Variants in CNTN5 observed in about 807,000 individuals in gnomAD.
CNTN5 encodes the protein contactin-5.
In CNTN5, 77 loss-of-function variants were observed where a neutral mutation model predicts 129.1. The ratio of observed to expected loss-of-function variants is 0.60; its 90% CI spans 0.50 to 0.72. The LOEUF is 0.72. CNTN5 is among the 30% of genes least tolerant of loss of function. The pLI is 0.00. For synonymous variants in CNTN5, 509 were observed against 465.6 expected (o/e 1.09, Z -1.20); for missense variants, 1,478 against 1,328.8 (o/e 1.11, Z -1.75).
At chr11:99,211,563 C>A (rs926495859) in intron 1 of CNTN5, among the ~76,000 whole-genome samples, 1 of 151,294 alleles carries the variant, frequency 6.6e-6, no homozygotes, top group Non-Finnish European at 1.5e-5. Context: ...TCTGAAATAG[C>A]TTTTCTTATT....
chr11:99,806,092 G>C (rs552808476), intron 3 of CNTN5, among the ~76,000 whole-genome samples: 1 of 152,282 alleles, frequency 6.6e-6, no homozygotes, highest in South Asian at 2.1e-4. Flanking sequence ...TCTTCTCAGA[G>C]AGTACAAGTG....
At chr11:100,259,689 A>G (rs1304678838) in intron 17 of CNTN5, among the ~76,000 whole-genome samples, 1 of 152,198 alleles carries the variant, frequency 6.6e-6, no homozygotes, top group African/African-American at 2.4e-5. Context: ...CTGCTCCTGA[A>G]TGACTACTGG....
At chr11:99,688,346 A>C (rs1209416022) in intron 3 of CNTN5, among the ~76,000 whole-genome samples, 1 of 152,098 alleles carries the variant, frequency 6.6e-6, no homozygotes, top group Non-Finnish European at 1.5e-5. Context: ...CCCAGCCAAG[A>C]AATTTATTTA....
chr11:99,144,003 C>G (rs574873361), intron 1 of CNTN5, among the ~76,000 whole-genome samples: 1 of 152,064 alleles, frequency 6.6e-6, no homozygotes, highest in Non-Finnish European at 1.5e-5. Flanking sequence ...TATTTTTTCC[C>G]AAACCATCAT....
intron 2 of CNTN5, among the ~76,000 whole-genome samples, chr11:99,491,982 T>C (rs2135352249): frequency 6.6e-6 from 1 of 152,280 alleles, no homozygotes; most frequent in South Asian, 2.1e-4. Flanking sequence ...ATAACCAACT[T>C]GAAGCCTGAT....
chr11:99,231,338 A>T (rs1362818098), intron 1 of CNTN5, among the ~76,000 whole-genome samples: 1 of 152,092 alleles, frequency 6.6e-6, no homozygotes, highest in Non-Finnish European at 1.5e-5. Flanking sequence ...AATAATCACC[A>T]TTCTAACTGG....
intron 1 of CNTN5, among the ~76,000 whole-genome samples, chr11:99,064,464 G>A (rs1162104538): frequency 6.6e-6 from 1 of 152,058 alleles, no homozygotes; most frequent in Non-Finnish European, 1.5e-5. Flanking sequence ...GAAGAGCAGA[G>A]GTTTTATCAG....
At chr11:100,281,255 G>C (rs1423836868) in intron 18 of CNTN5, among the ~76,000 whole-genome samples, 1 of 151,974 alleles carries the variant, frequency 6.6e-6, no homozygotes, top group Non-Finnish European at 1.5e-5. Flanking sequence ...ATTCTCTTTA[G>C]CATTTCTTGT....
At chr11:99,271,554 A>G (rs1039389517) in intron 1 of CNTN5, among the ~76,000 whole-genome samples, 6 of 151,848 alleles carry the variant, frequency 4.0e-5, no homozygotes, top group Non-Finnish European at 5.9e-5. Flanking sequence ...TATATTTACC[A>G]TCTCACATTT....
chr11:100,342,255 C>A (rs1952181332), intron 23 of CNTN5, among the ~76,000 whole-genome samples: 1 of 151,362 alleles, frequency 6.6e-6, no homozygotes, highest in African/African-American at 2.4e-5. Context: ...ATTTTCTATA[C>A]CATTCCCTTA....
chr11:99,578,126 G>A (rs1257127452), intron 3 of CNTN5, among the ~76,000 whole-genome samples: 1 of 151,810 alleles, frequency 6.6e-6, no homozygotes. Flanking sequence ...ATGGTTTCCA[G>A]TTTCATCCAT....
At chr11:99,526,666 A>T (rs1237644912) in intron 2 of CNTN5, among the ~76,000 whole-genome samples, 1 of 152,216 alleles carries the variant, frequency 6.6e-6, no homozygotes, top group Admixed American at 6.5e-5. Flanking sequence ...GTCAGTGGAT[A>T]CTTAGTACCT....
chr11:100,101,554 C>G (rs1945224578), intron 13 of CNTN5, among the ~76,000 whole-genome samples: 2 of 152,008 alleles, frequency 1.3e-5, no homozygotes, highest in South Asian at 4.1e-4. Context: ...CTCTAAACTC[C>G]TAAGAAATTC....
chr11:100,109,146 A>G (rs1018598774), intron 13 of CNTN5, among the ~76,000 whole-genome samples: 1 of 152,204 alleles, frequency 6.6e-6, no homozygotes, highest in African/African-American at 2.4e-5. Flanking sequence ...TTCCCCAAAT[A>G]GTCCAGGTAC....
intron 9 of CNTN5, among the ~76,000 whole-genome samples, chr11:100,043,546 C>T: frequency 6.6e-6 from 1 of 152,148 alleles, no homozygotes; most frequent in Non-Finnish European, 1.5e-5. Flanking sequence ...TTTCCATAAA[C>T]TTGCAGTTGC....
intron 2 of CNTN5, among the ~76,000 whole-genome samples, chr11:99,392,214 TAATAAAAATAAA>T (rs1038888323): frequency 1.3e-5 from 2 of 151,266 alleles, no homozygotes; most frequent in Non-Finnish European, 3.0e-5. Flanking sequence ...AATAATAAAA[TAATAAAAATAAA>T]AATAAAAATA....
At chr11:99,143,138 C>G in intron 1 of CNTN5, among the ~76,000 whole-genome samples, 1 of 151,956 alleles carries the variant, frequency 6.6e-6, no homozygotes, top group East Asian at 1.9e-4. Flanking sequence ...GTAATCATAT[C>G]TTATCCGATG....
intron 9 of CNTN5, among the ~76,000 whole-genome samples, chr11:100,045,483 A>G (rs1046909035): frequency 6.6e-6 from 1 of 152,160 alleles, no homozygotes; most frequent in Non-Finnish European, 1.5e-5. Context: ...TGGAGAAAAT[A>G]TAAAAATCTA....
chr11:100,027,919 T>A (rs1369155631), intron 9 of CNTN5, among the ~76,000 whole-genome samples: 1 of 152,206 alleles, frequency 6.6e-6, no homozygotes, highest in Non-Finnish European at 1.5e-5. Flanking sequence ...TTTAGCTAAT[T>A]TTTCTCATTT....
Sources: gnomAD v4.1 joint callset for allele counts (sites outside exome capture counted in the v4.1 genomes callset) on GRCh38, gnomAD v4.1.1 for gene constraint, MANE v1.5 for transcripts, NCBI Gene and HGNC (gene_info 2026-07-23, HGNC 2026-07-21) for gene names.